TNIK: variants seen among roughly 807,000 people sequenced by gnomAD.
The protein encoded by TNIK is TRAF2 and NCK-interacting protein kinase.
A neutral mutation model predicts 191.3 loss-of-function variants in TNIK; 49 were observed. The ratio of observed to expected loss-of-function variants is 0.26; its 90% CI spans 0.20 to 0.32. TNIK has a LOEUF of 0.32. Ranked by LOEUF, TNIK falls within the 10% of genes least tolerant of loss-of-function variation. The probability of loss-of-function intolerance (pLI) is 1.00; values close to 1 mark genes in which losing one functional copy is unlikely to be tolerated. For synonymous variants in TNIK, 594 were observed against 600.9 expected (o/e 0.99, Z 0.17); for missense variants, 1,155 against 1,702.3 (o/e 0.68, Z 5.66).
At chr3:171,396,387 G>C (rs1236068756) in intron 1 of TNIK, among the ~76,000 whole-genome samples, 1 of 152,086 alleles carries the variant, frequency 6.6e-6, no homozygotes, top group African/African-American at 2.4e-5. Context: ...TCTGTCTTTA[G>C]GCTATTACAA....
chr3:171,188,545 A>T (rs1027806811), intron 7 of TNIK, among the ~76,000 whole-genome samples, 157 bp downstream of exon 7: 1 of 152,216 alleles, frequency 6.6e-6, no homozygotes, highest in Non-Finnish European at 1.5e-5. Flanking sequence ...CATTAAAAAG[A>T]TCCTCACTTG....
intron 2 of TNIK, among the ~76,000 whole-genome samples, chr3:171,363,653 ACCTC>A (rs201087966): frequency 0.055 from 8,428 of 152,256 alleles, 297 homozygotes; most frequent in Non-Finnish European, 0.079. Context: ...TTATAGAATC[ACCTC>A]CATAAATAAA....
chr3:171,249,115 T>C lies in TNIK; in HGVS notation c.124-20894A>G, dbSNP rs1745941633. On this transcript the variant is annotated intron_variant, in intron 2 of 32. Coordinates refer to ENST00000436636, the MANE Select transcript of TNIK (RefSeq NM_015028.4). ...AAGTGTATCTTTGCATACTGTTTTC[T>C]TATTATAGAAACATTAAAAGTAACT... Among the ~76,000 whole-genome samples the C allele has an allele frequency of 1.3e-5, 2 of 152,080 alleles. 1 individual carries two copies. The highest frequency in any genetic ancestry group is 4.1e-4 in the South Asian group (2 of 4,830).
intron 3 of TNIK, among the ~76,000 whole-genome samples, chr3:171,211,785 G>A (rs924201498): frequency 6.6e-6 from 1 of 152,138 alleles, no homozygotes; most frequent in Non-Finnish European, 1.5e-5. Context: ...CAAAGCAGGA[G>A]TACCCACCTC....
chr3:171,210,851 G>GAAAA (rs11324657), intron 4 of TNIK, among the ~76,000 whole-genome samples: 5 of 131,428 alleles, frequency 3.8e-5, no homozygotes, highest in Non-Finnish European at 6.5e-5. Context: ...GTCAATTAGT[G>GAAAA]AAAAAAAAAA....
chr3:171,361,682 AAATAACAACATAGG>A (rs1714997131), intron 2 of TNIK, among the ~76,000 whole-genome samples: 1 of 152,288 alleles, frequency 6.6e-6, no homozygotes, highest in Non-Finnish European at 1.5e-5. Flanking sequence ...TGAAGAAGAG[AAATAACAACATAGG>A]AATAAACTTC....
rs1483804009 is a variant in TNIK, at chr3:171,108,177, CAG to C, written c.2285-17_2285-16del. 5 of 1,524,452 alleles carry C rather than the reference CAG, an allele frequency of 3.3e-6. No homozygotes were observed. Among genetic ancestry groups the C allele is most frequent in the East Asian group, 2.4e-5 (1 of 40,870 alleles). 94.4% of individuals were successfully genotyped at this position (1,524,452 alleles called of 1,614,324 possible). On this transcript the variant is annotated splice_polypyrimidine_tract_variant and intron_variant, in intron 19 of 32. Transcript: ENST00000436636. ...CTTACTGTTGGCTAGAGGAAAAAAA[CAG>C]AGGACCAAGAAAGAGATGGCCATCA... is the stretch of plus-strand genomic sequence containing the variant.
chr3:171,217,240 C>A (rs1309852532), intron 3 of TNIK, among the ~76,000 whole-genome samples: 1 of 152,064 alleles, frequency 6.6e-6, no homozygotes, highest in Non-Finnish European at 1.5e-5. Context: ...GGAATCATGT[C>A]CTTTTCAGTA....
intron 2 of TNIK, among the ~76,000 whole-genome samples, chr3:171,241,454 C>G (rs1223693688): frequency 1.3e-5 from 2 of 152,130 alleles, no homozygotes; most frequent in East Asian, 3.8e-4. Flanking sequence ...TCATATTGGC[C>G]TTGCATATAA....
chr3:171,392,095 C>T (rs139916128), intron 1 of TNIK, among the ~76,000 whole-genome samples: 33 of 152,252 alleles, frequency 2.2e-4, no homozygotes, highest in Non-Finnish European at 4.6e-4. Flanking sequence ...CTCAAAATCT[C>T]CTTTCAAGTC....
chr3:171,285,886 T>C (rs1321062705), intron 2 of TNIK, among the ~76,000 whole-genome samples: 1 of 152,174 alleles, frequency 6.6e-6, no homozygotes, highest in Non-Finnish European at 1.5e-5. Flanking sequence ...AGTTGAGAAA[T>C]ACTATTCCAA....
At chr3:171,278,860 G>GA (rs1376973808) in intron 2 of TNIK, among the ~76,000 whole-genome samples, 4 of 152,188 alleles carry the variant, frequency 2.6e-5, no homozygotes, top group African/African-American at 9.7e-5. Context: ...GTGGATATGA[G>GA]ATGTTAGAGG....
chr3:171,408,540 G>A (rs770437327), intron 1 of TNIK, among the ~76,000 whole-genome samples: 21 of 152,164 alleles, frequency 1.4e-4, no homozygotes, highest in African/African-American at 3.4e-4. Context: ...AAAGCAGGCC[G>A]ATCTGGATCC....
In TNIK at chr3:171,385,404, C is replaced by T. The variant is rs138741685; in HGVS notation, c.58-15719G>A. 1.1e-4 allele frequency among the ~76,000 whole-genome samples: 16 copies of T among 152,150 alleles called. No homozygotes were observed. The East Asian group carries it at 2.3e-3, about 22-fold the overall frequency. On this transcript the variant is annotated intron_variant, in intron 1 of 32. Coordinates refer to ENST00000436636, the MANE Select transcript of TNIK (RefSeq NM_015028.4). ...CGGAGGTGTGTGGCAGCCACTCTGA[C>T]GAGGAACACAGAGGAAACATTTGCT...
intron 1 of TNIK, among the ~76,000 whole-genome samples, chr3:171,409,560 G>A (rs1722124717): frequency 6.6e-6 from 1 of 151,856 alleles, no homozygotes; most frequent in African/African-American, 2.4e-5. Context: ...TCCCAACTAT[G>A]TAAACTCTGA....
At chr3:171,115,580 G>GA (rs759621445) in intron 18 of TNIK, among the ~76,000 whole-genome samples, 35 of 152,334 alleles carry the variant, frequency 2.3e-4, no homozygotes, top group Non-Finnish European at 4.3e-4. Context: ...AGGAAGGCTG[G>GA]GGAACAGTCG....
chr3:171,215,656 C>T (rs1158874535), intron 3 of TNIK, among the ~76,000 whole-genome samples: 1 of 152,154 alleles, frequency 6.6e-6, no homozygotes, highest in African/African-American at 2.4e-5. Context: ...AGAACCCTGA[C>T]TTTGGTCTTC....
At chr3:171,274,479 C>T (rs557784849) in intron 2 of TNIK, among the ~76,000 whole-genome samples, 1 of 152,162 alleles carries the variant, frequency 6.6e-6, no homozygotes, top group African/African-American at 2.4e-5. Context: ...GAGTCTCAGC[C>T]AAGCATCACA....
intron 7 of TNIK, among the ~76,000 whole-genome samples, chr3:171,179,577 G>A (rs913131457): frequency 2.6e-5 from 4 of 151,822 alleles, no homozygotes; most frequent in African/African-American, 4.8e-5. Flanking sequence ...TCAGCCTCCC[G>A]AGTAGCTGGG....
Sources: allele counts gnomAD v4.1 joint callset (sites outside exome capture counted in the v4.1 genomes callset), GRCh38; gene constraint gnomAD v4.1.1; transcripts MANE v1.5; gene names NCBI Gene and HGNC (gene_info 2026-07-23, HGNC 2026-07-21).